The following TRPM2 variants were observed in gnomAD, a reference collection of about 807,000 sequenced individuals.
TRPM2 encodes estrogen-responsive element-associated gene 1 protein.
A neutral mutation model predicts 174.0 loss-of-function variants in TRPM2; 161 were observed. The observed-to-expected ratio is 0.93, with a 90% CI of 0.81 to 1.05. The LOEUF (loss-of-function observed/expected upper bound fraction) is 1.05. Among genes scored for constraint, TRPM2 ranks in the 50% least tolerant of loss-of-function variants. The pLI, the probability that TRPM2 is intolerant of heterozygous loss-of-function variation, is 0.00. For missense variants in TRPM2, 2,057 were observed against 2,038.0 expected (o/e 1.01, Z -0.18); for synonymous variants, 954 against 861.3 (o/e 1.11, Z -1.88).
At chr21:44,409,256 C>T (rs958942513) in intron 19 of TRPM2, among the ~76,000 whole-genome samples, 11 of 152,280 alleles carry the variant, frequency 7.2e-5, no homozygotes, top group South Asian at 2.1e-4. Flanking sequence ...TTATAGCTTT[C>T]GCTTTTTGTT....
Position 44,400,329 on chromosome 21 carries a change from T to A in TRPM2, c.2279T>A (p.Met760Lys), listed in dbSNP as rs1381931388. The change falls in exon 15 of 32, where the codon ATG (methionine) becomes AAG (lysine). Residue 760 changes from methionine to lysine, a missense_variant. Transcript: ENST00000397928. ...GGGCTGTGGCGTGTGACCCTGTGCA[T>A]GCTGGCCTTCCCGCTGCTCCTCACC... The part of the protein sequence containing the change: ...DNGLWRVTLC[M>K]LAFPLLLTGL... The A allele has an allele frequency of 3.7e-6, 6 of 1,612,650 alleles. No homozygotes were observed. Among genetic ancestry groups the A allele is most frequent in the Non-Finnish European group, 5.1e-6 (6 of 1,179,884 alleles).
rs902874387 is a variant in TRPM2 at position 44,354,597 on chromosome 21, G to A, written c.166-51G>A. The A allele has an allele frequency of 9.2e-6, 14 of 1,524,174 alleles. No individual in the cohort carries two copies. The highest frequency in any genetic ancestry group is 1.3e-5 in the Non-Finnish European group (14 of 1,098,216). 94.4% of individuals were successfully genotyped at this position (1,524,174 alleles called of 1,614,324 possible). ...CTCAGATGTGTCTCCAGGGGGCTGG[G>A]TGTGCTCTTTCGAATGTTGGAAGAT... On this transcript the variant is annotated intron_variant, in intron 1 of 31. Coordinates refer to ENST00000397928, the MANE Select transcript of TRPM2 (RefSeq NM_003307.4). This position sits in a 1 kb window ranked among gnomAD's most constrained non-coding sequence, Gnocchi z 4.3.
chr21:44,405,298 C>T, intron 17 of TRPM2, 38 bp downstream of exon 17: 2 of 1,608,668 alleles, frequency 1.2e-6, no homozygotes, highest in Non-Finnish European at 8.5e-7. Flanking sequence ...CCGTCTGAGG[C>T]AGCCAGCCCT....
At position 44,439,632 on chromosome 21, in the gene TRPM2, G is replaced by A. The variant is rs2051416047; in HGVS notation, c.4269+464G>A. 6.6e-6 allele frequency among the ~76,000 whole-genome samples: 1 copy of A among 152,190 alleles called. No homozygotes were observed. Among genetic ancestry groups the A allele is most frequent in the African/African-American group, 2.4e-5 (1 of 41,440 alleles). ...CCCAGCCTGGGGACCGACTGTACCA[G>A]GACTTTTTATTTACTTCTTTAGAAA... On this transcript the variant is annotated intron_variant, in intron 30 of 31. Coordinates refer to ENST00000397928, the MANE Select transcript of TRPM2 (RefSeq NM_003307.4). This position sits in a 1 kb window ranked among gnomAD's most constrained non-coding sequence, Gnocchi z 5.1.
chr21:44,402,369 G>T (rs2049649727), intron 16 of TRPM2, among the ~76,000 whole-genome samples: 1 of 152,154 alleles, frequency 6.6e-6, no homozygotes, highest in Admixed American at 6.5e-5. Flanking sequence ...CTGCATCCAG[G>T]ACAGCTCTGA....
Position 44,391,189 on chromosome 21 carries a change from C to T in TRPM2, c.1441-83C>T. ...CTCCCCAGGTTGGGGACAACAGCAG[C>T]CCCCATCTCCAGGGTCTTTGAGATC... On this transcript the variant is annotated intron_variant, in intron 10 of 31. Coordinates refer to ENST00000397928, the MANE Select transcript of TRPM2 (RefSeq NM_003307.4). The surrounding 1 kb of genome is among the most constrained non-coding windows in gnomAD (Gnocchi z 5.0). 2 of 1,520,378 alleles carry T rather than the reference C, an allele frequency of 1.3e-6. No homozygotes were observed. The highest frequency in any genetic ancestry group is 1.8e-6 in the Non-Finnish European group (2 of 1,114,332). The allele number at this position is 1,520,378 out of a possible 1,614,324, so 94.2% of individuals were successfully genotyped here. A position where few individuals can be genotyped will look rare whatever the true frequency, so the allele number is the denominator to read the frequency against.
At chr21:44,380,057 T>G (rs988334463) in intron 8 of TRPM2, among the ~76,000 whole-genome samples, 2 of 152,184 alleles carry the variant, frequency 1.3e-5, no homozygotes, top group Admixed American at 1.3e-4. Flanking sequence ...TTGGCCAGAT[T>G]GGGCCTGTGG....
chr21:44,397,095 G>A (rs1228446634), intron 12 of TRPM2, among the ~76,000 whole-genome samples: 2 of 151,270 alleles, frequency 1.3e-5, no homozygotes, highest in Admixed American at 6.6e-5. Context: ...CTGGAGTGCA[G>A]TGGCACAATC....
At chr21:44,397,918 G>A (rs370278952) in intron 13 of TRPM2, 42 bp downstream of exon 13, 37 of 1,531,062 alleles carry the variant, frequency 2.4e-5, no homozygotes, top group South Asian at 6.4e-5. Context: ...TGGCTCAGCC[G>A]TGCATGCCCT....
chr21:44,404,612 T>C (rs1432850608), intron 16 of TRPM2, among the ~76,000 whole-genome samples: 1 of 152,174 alleles, frequency 6.6e-6, no homozygotes, highest in East Asian at 1.9e-4. Context: ...ATGATAGTGA[T>C]GATAGTGATA....
intron 2 of TRPM2, among the ~76,000 whole-genome samples, chr21:44,361,539 A>G (rs143261148): frequency 2.6e-5 from 4 of 152,176 alleles, no homozygotes; most frequent in Non-Finnish European, 4.4e-5. Flanking sequence ...ACATTCTGTC[A>G]ATCTGTTTTT....
At chr21:44,387,155 C>CAGTGGTGCAACAG (rs1429506647) in intron 9 of TRPM2, among the ~76,000 whole-genome samples, 1 of 152,146 alleles carries the variant, frequency 6.6e-6, no homozygotes, top group Non-Finnish European at 1.5e-5. Flanking sequence ...CACTGCACTC[C>CAGTGGTGCAACAG]AGCCTGGGCA....
chr21:44,370,740 G>A (rs926411667), intron 5 of TRPM2, among the ~76,000 whole-genome samples: 8 of 152,282 alleles, frequency 5.3e-5, no homozygotes, highest in Non-Finnish European at 5.9e-5. Flanking sequence ...GAATGTGTCC[G>A]GCGGGGTCGG....
intron 2 of TRPM2, among the ~76,000 whole-genome samples, chr21:44,361,306 C>T (rs1683580990): frequency 2.6e-5 from 4 of 152,044 alleles, no homozygotes; most frequent in African/African-American, 9.6e-5. Context: ...AGAGACAGGG[C>T]TTCACCATGT....
chr21:44,375,886 C>T lies in TRPM2; in HGVS notation c.825C>T (p.Thr275=). 3.1e-6 allele frequency: 5 copies of T among 1,614,070 alleles called. No homozygotes were observed. Among genetic ancestry groups the T allele is most frequent in the Non-Finnish European group, 4.2e-6 (5 of 1,179,996 alleles). Residue 275 remains threonine (T), a synonymous_variant, in exon 6 of 32, where the codon ACC becomes ACT. Transcript: ENST00000397928. ...ATGAGGATGGCCAAGGGAACCTGAC[C>T]TGCCTAGACAGCAACCACTCTCACT... ...ILDEDGQGNL[T]CLDSNHSHFI...
At chr21:44,353,582 T>C (rs2047966359), upstream of TRPM2, 1 of 1,276,340 alleles carries the variant, frequency 7.8e-7, no homozygotes, top group East Asian at 3.1e-5. Flanking sequence ...CTCATCTTCC[T>C]GTCTCTGATC....
chr21:44,379,838 G>T (rs2048827638), intron 8 of TRPM2, among the ~76,000 whole-genome samples: 1 of 152,222 alleles, frequency 6.6e-6, no homozygotes, highest in Non-Finnish European at 1.5e-5. Flanking sequence ...TCAATTCCTG[G>T]CAGGATTCTT....
rs898156982 is a variant in TRPM2 at position 44,367,695 on chromosome 21, T to C, written c.604+761T>C. On this transcript the variant is annotated intron_variant, in intron 4 of 31. Transcript: ENST00000397928. The surrounding 1 kb of genome is among the most constrained non-coding windows in gnomAD (Gnocchi z 4.6). ...ATGTTGCGTCCGGATGGGCCTAGAG[T>C]CACCCTGCTCTTCCTGGGGTCTGGG... is the stretch of plus-strand genomic sequence containing the variant. Among the ~76,000 whole-genome samples the C allele has an allele frequency of 4.6e-5, 7 of 152,092 alleles. No homozygotes were observed. The highest frequency in any genetic ancestry group is 4.4e-5 in the Non-Finnish European group (3 of 68,020).
rs756574016 is a variant in TRPM2 at position 44,418,471 on chromosome 21, T to G, written c.3377T>G (p.Ile1126Ser). The change falls in exon 22 of 32, where the codon ATC becomes AGC. Residue 1126 changes from isoleucine (I) to serine (S), a missense_variant. Coordinates refer to ENST00000397928, the MANE Select transcript of TRPM2 (RefSeq NM_003307.4). ...NEEAALLSWEIYLKENYLQNR... is the reference protein window; with the variant it reads ...NEEAALLSWESYLKENYLQNR... The stretch of plus-strand genomic sequence containing the variant: ...GAGGCGGCCCTGCTATCCTGGGAGA[T>G]CTACCTGAAGGAGAACTACCTCCAG... 6.2e-7 allele frequency: 1 copy of G among 1,613,948 alleles called. No homozygotes were observed. Among genetic ancestry groups the G allele is most frequent in the South Asian group, 1.1e-5 (1 of 91,058 alleles).
Sources: allele counts gnomAD v4.1 joint callset (sites outside exome capture counted in the v4.1 genomes callset), GRCh38; gene constraint gnomAD v4.1.1; non-coding constraint Gnocchi (gnomAD v3.1); transcripts MANE v1.5; gene names NCBI Gene and HGNC (gene_info 2026-07-23, HGNC 2026-07-21).